Variants in L3MBTL4 observed in about 807,000 individuals in gnomAD.
L3MBTL4 encodes lethal(3)malignant brain tumor-like protein 4.
A neutral mutation model predicts 84.5 loss-of-function variants in L3MBTL4; 70 were observed. That is an observed-to-expected ratio of 0.83 (90% CI 0.68 to 1.01). The LOEUF (loss-of-function observed/expected upper bound fraction) is 1.01. Ranked by LOEUF, L3MBTL4 falls within the 50% of genes least tolerant of loss-of-function variation. The probability of loss-of-function intolerance (pLI) is 0.00; values close to 1 mark genes in which losing one functional copy is unlikely to be tolerated. For synonymous variants in L3MBTL4, 274 were observed against 259.8 expected, an observed-to-expected ratio of 1.05 and a Z score of -0.52; for missense variants, 715 against 754.8, an observed-to-expected ratio of 0.95 and a Z score of 0.62.
intron 12 of L3MBTL4, among the ~76,000 whole-genome samples, chr18:6,195,364 A>T (rs1389459148): frequency 1.8e-4 from 28 of 152,228 alleles, no homozygotes; most frequent in Non-Finnish European, 2.9e-5. Flanking sequence ...CTGCACTCTG[A>T]AGATGGGCTA....
At chr18:6,299,930 C>G (rs1957889902) in intron 4 of L3MBTL4, among the ~76,000 whole-genome samples, 1 of 152,128 alleles carries the variant, frequency 6.6e-6, no homozygotes, top group Admixed American at 6.5e-5. Flanking sequence ...CCTTGGTCTC[C>G]CAAAGTGCTA....
intron 1 of L3MBTL4, among the ~76,000 whole-genome samples, chr18:6,351,742 G>A (rs886755870): frequency 6.6e-5 from 10 of 151,810 alleles, no homozygotes; most frequent in Non-Finnish European, 1.3e-4. Context: ...TAGTAGAGAC[G>A]GGGTTTCACC....
intron 1 of L3MBTL4, chr18:6,397,232 G>A (rs900175786): frequency 6.6e-6 from 1 of 152,122 alleles, no homozygotes; most frequent in East Asian, 1.9e-4. Flanking sequence ...AACAGTAAAT[G>A]TACTTCTCTG....
In L3MBTL4 at chr18:5,956,163, A is replaced by G; in HGVS notation, c.*57T>C. ...CATTCACATCAAATTAATGTGCTCC[A>G]CTTTTATTGCTGAAAGAGCGCAGGT... On this transcript the variant is annotated 3_prime_UTR_variant, in exon 19 of 19. Transcript: ENST00000317931. 1 of 1,443,594 alleles carries G rather than the reference A, an allele frequency of 6.9e-7. No individual in the cohort carries two copies. The highest frequency in any genetic ancestry group is 9.6e-7 in the Non-Finnish European group (1 of 1,042,172). 89.4% of individuals were successfully genotyped at this position (1,443,594 alleles called of 1,614,324 possible).
chr18:6,193,980 G>A (rs2045255956), intron 12 of L3MBTL4, among the ~76,000 whole-genome samples: 1 of 152,146 alleles, frequency 6.6e-6, no homozygotes, highest in Non-Finnish European at 1.5e-5. Context: ...ATTCATGGCA[G>A]TACTTTGTGG....
chr18:6,119,847 A>T (rs2059471627), intron 14 of L3MBTL4, among the ~76,000 whole-genome samples: 1 of 151,852 alleles, frequency 6.6e-6, no homozygotes, highest in Non-Finnish European at 1.5e-5. Flanking sequence ...GGAATAGGAG[A>T]AAGAGTATCA....
intron 14 of L3MBTL4, among the ~76,000 whole-genome samples, chr18:6,104,094 A>G (rs1293066030): frequency 6.6e-6 from 1 of 152,184 alleles, no homozygotes; most frequent in Non-Finnish European, 1.5e-5. Context: ...GATAACAAGT[A>G]TTGGTGAGGA....
intron 1 of L3MBTL4, among the ~76,000 whole-genome samples, chr18:6,383,718 A>C (rs2006962): frequency 0.095 from 14,529 of 152,214 alleles, 846 homozygotes; most frequent in Non-Finnish European, 0.14. Flanking sequence ...TTCTGCGTCA[A>C]TCTCACTGGG....
At chr18:6,410,737 C>T (rs988342766) in intron 1 of L3MBTL4, among the ~76,000 whole-genome samples, 42 of 152,314 alleles carry the variant, frequency 2.8e-4, no homozygotes, top group Non-Finnish European at 5.1e-4. Flanking sequence ...ACTTTTCAAA[C>T]AATTTATTAA....
chr18:6,322,508 AG>A (rs1487345054), intron 1 of L3MBTL4, among the ~76,000 whole-genome samples: 13 of 149,918 alleles, frequency 8.7e-5, no homozygotes, highest in African/African-American at 1.0e-4. Context: ...GAAGGAAAGA[AG>A]GAAAAAAAAA....
At chr18:6,187,428 T>A (rs541110033) in intron 12 of L3MBTL4, among the ~76,000 whole-genome samples, 1 of 152,334 alleles carries the variant, frequency 6.6e-6, no homozygotes, top group African/African-American at 2.4e-5. Flanking sequence ...AAAATCTATG[T>A]TTCTATTTAC....
intron 13 of L3MBTL4, among the ~76,000 whole-genome samples, chr18:6,164,975 G>A (rs2043568628): frequency 1.3e-5 from 2 of 152,202 alleles, no homozygotes; most frequent in African/African-American, 4.8e-5. Context: ...TCAACGTGGA[G>A]AAGTCCTTAA....
At chr18:6,017,529 A>C (rs1396340406) in intron 16 of L3MBTL4, among the ~76,000 whole-genome samples, 1 of 152,204 alleles carries the variant, frequency 6.6e-6, no homozygotes, top group Non-Finnish European at 1.5e-5. Context: ...CCAGACACTG[A>C]ATTAAGGGCA....
intron 18 of L3MBTL4, among the ~76,000 whole-genome samples, chr18:5,957,544 C>T (rs73940518): frequency 0.06 from 9,080 of 151,088 alleles, 865 homozygotes; most frequent in African/African-American, 0.2. Flanking sequence ...CTGATTGACA[C>T]AGCCTGGCTC....
intron 1 of L3MBTL4, among the ~76,000 whole-genome samples, chr18:6,384,325 T>G (rs936619449): frequency 2.6e-5 from 4 of 152,148 alleles, no homozygotes. Flanking sequence ...CAAATGTTCA[T>G]GTATACAGAC....
rs370229968 is a variant in L3MBTL4 at position 6,295,507 on chromosome 18, G to A, written c.127+6396C>T. On this transcript the variant is annotated intron_variant, in intron 4 of 18. Transcript: ENST00000317931. ...TTATAAGCATCTTTATTCCCAGCAC[G>A]AATTCACCCAAAAGAGACAGAATCC... is the stretch of plus-strand genomic sequence containing the variant. Among the ~76,000 whole-genome samples, 14 of 151,838 alleles carry A rather than the reference G, an allele frequency of 9.2e-5. No individual in the cohort carries two copies. The South Asian group carries it at 1.5e-3, about 16-fold the overall frequency.
chr18:6,033,800 C>T (rs1890450452), intron 16 of L3MBTL4, among the ~76,000 whole-genome samples: 1 of 152,164 alleles, frequency 6.6e-6, no homozygotes, highest in South Asian at 2.1e-4. Flanking sequence ...CGATGACACA[C>T]AAAAACTCTG....
chr18:6,032,358 T>C (rs572182650), intron 16 of L3MBTL4: 1 of 960,808 alleles, frequency 1.0e-6, no homozygotes, highest in Non-Finnish European at 1.2e-6. Context: ...TATCACTGAA[T>C]GGAATCTGCG....
At chr18:6,314,845 A>C (rs1376641798) in intron 1 of L3MBTL4, among the ~76,000 whole-genome samples, 1 of 152,230 alleles carries the variant, frequency 6.6e-6, no homozygotes, top group East Asian at 1.9e-4. Context: ...CCACCAATAT[A>C]GTCACAGGTA....
Sources: allele counts gnomAD v4.1 joint callset (sites outside exome capture counted in the v4.1 genomes callset), GRCh38; gene constraint gnomAD v4.1.1; transcripts MANE v1.5; gene names NCBI Gene and HGNC (gene_info 2026-07-23, HGNC 2026-07-21).